AOPEP: variants seen among roughly 807,000 people sequenced by gnomAD.
AOPEP encodes the protein aminopeptidase O.
A neutral mutation model predicts 98.1 loss-of-function variants in AOPEP; 77 were observed. That is an observed-to-expected ratio of 0.78 (90% confidence interval 0.65 to 0.95). The LOEUF (loss-of-function observed/expected upper bound fraction) is 0.95. Among genes scored for constraint, AOPEP ranks in the 40% least tolerant of loss-of-function variants. AOPEP has a pLI of 0.00. For synonymous variants in AOPEP, 346 were observed against 365.3 expected (o/e 0.95, Z 0.60); for missense variants, 1,024 against 1,024.7 (o/e 1.00, Z 0.01).
chr9:95,118,813 T>C, the AOPEP span, among the ~76,000 whole-genome samples: 8 of 152,238 alleles, frequency 5.3e-5, no homozygotes, highest in African/African-American at 1.9e-4. Flanking sequence ...TTAGCCATTC[T>C]CCTCTTGATG....
chr9:94,953,995 C>T (rs1224495339), intron 7 of AOPEP, among the ~76,000 whole-genome samples: 2 of 151,964 alleles, frequency 1.3e-5, no homozygotes, highest in Non-Finnish European at 2.9e-5. Flanking sequence ...AATAAGGAGT[C>T]GCTGGTTTCA....
At chr9:95,069,663 G>GC (rs2134050684) in intron 14 of AOPEP, among the ~76,000 whole-genome samples, 1 of 152,372 alleles carries the variant, frequency 6.6e-6, no homozygotes, top group East Asian at 1.9e-4. Context: ...CACAGGTGAA[G>GC]CAAGGTTGCC....
At chr9:95,147,310 G>C in the AOPEP span, among the ~76,000 whole-genome samples, 1 of 152,284 alleles carries the variant, frequency 6.6e-6, no homozygotes, top group Non-Finnish European at 1.5e-5. Flanking sequence ...CTGAGGTCGG[G>C]ATTTCGAGAC....
the AOPEP span, among the ~76,000 whole-genome samples, chr9:95,093,439 TAA>T: frequency 6.6e-6 from 1 of 152,236 alleles, no homozygotes; most frequent in African/African-American, 2.4e-5. Flanking sequence ...TGTCTCCTTT[TAA>T]AGTTACAGAT....
At chr9:94,772,623 C>T (rs1841141884) in intron 2 of AOPEP, among the ~76,000 whole-genome samples, 1 of 152,128 alleles carries the variant, frequency 6.6e-6, no homozygotes, top group Non-Finnish European at 1.5e-5. Flanking sequence ...ATTTTCTTTT[C>T]CAGAATACTT....
chr9:94,969,363 A>C (rs906575488), intron 10 of AOPEP, among the ~76,000 whole-genome samples: 1 of 151,148 alleles, frequency 6.6e-6, no homozygotes, highest in Non-Finnish European at 1.5e-5. Context: ...CCCTCTCCTA[A>C]TTTCCTATCT....
chr9:94,969,080 C>G (rs1021566204), intron 10 of AOPEP, among the ~76,000 whole-genome samples: 2 of 152,154 alleles, frequency 1.3e-5, no homozygotes, highest in African/African-American at 4.8e-5. Flanking sequence ...CCCAAGCAGT[C>G]TGGCTCTAGA....
At position 94,735,595 on chromosome 9, in the gene AOPEP, G is replaced by A. The variant is rs151018938; in HGVS notation, c.-136+8844G>A. 2.6e-3 allele frequency among the ~76,000 whole-genome samples: 394 copies of A among 152,278 alleles called. 2 individuals are homozygous for A. The highest frequency in any genetic ancestry group is 5.0e-3 in the Admixed American group (76 of 15,294). On this transcript the variant is annotated intron_variant, in intron 1 of 16. Coordinates refer to ENST00000375315, the MANE Select transcript of AOPEP (RefSeq NM_001193329.3). ...TGCAACGTTGTTTATTGGGCTTGTG[G>A]TTCTCAGACTACATTTTGAGAAACA...
the AOPEP span, among the ~76,000 whole-genome samples, chr9:95,143,354 C>T: frequency 6.6e-6 from 1 of 152,120 alleles, no homozygotes; most frequent in East Asian, 1.9e-4. Flanking sequence ...CTGATTAAAT[C>T]GCTGGCCAGT....
chr9:94,994,062 C>A (rs1484452282), intron 11 of AOPEP, among the ~76,000 whole-genome samples: 1 of 152,214 alleles, frequency 6.6e-6, no homozygotes, highest in Non-Finnish European at 1.5e-5. Flanking sequence ...CCACTTTTCA[C>A]ATTCCATGCA....
intron 13 of AOPEP, among the ~76,000 whole-genome samples, chr9:95,012,597 C>T (rs10761366): frequency 0.75 from 114,773 of 152,036 alleles, 45,930 homozygotes; most frequent in Non-Finnish European, 0.89. Flanking sequence ...TTCTGTAGCA[C>T]GTACTGATGT....
intron 14 of AOPEP, among the ~76,000 whole-genome samples, chr9:95,075,162 A>G (rs192848275): frequency 8.7e-4 from 132 of 152,270 alleles, no homozygotes; most frequent in Non-Finnish European, 1.7e-3. Flanking sequence ...GCTGAAATAC[A>G]TGCTGACTCT....
intron 5 of AOPEP, among the ~76,000 whole-genome samples, chr9:94,898,963 T>A (rs28423076): frequency 2.6e-4 from 40 of 151,966 alleles, no homozygotes; most frequent in Non-Finnish European, 3.8e-4. Flanking sequence ...AATAAATAAA[T>A]AAAAAGACTT....
chr9:94,857,661 C>T (rs7026714), intron 5 of AOPEP, among the ~76,000 whole-genome samples: 8 of 152,080 alleles, frequency 5.3e-5, no homozygotes, highest in African/African-American at 1.9e-4. Flanking sequence ...AGTGAGTTAA[C>T]GGTATTTCAA....
the AOPEP span, among the ~76,000 whole-genome samples, chr9:95,147,079 GATT>G: frequency 6.7e-6 from 1 of 150,296 alleles, no homozygotes; most frequent in Non-Finnish European, 1.5e-5. Flanking sequence ...ATATATTTTA[GATT>G]ATTATTTTGG....
chr9:95,147,634 G>A, the AOPEP span, among the ~76,000 whole-genome samples: 5 of 152,194 alleles, frequency 3.3e-5, no homozygotes, highest in Non-Finnish European at 5.9e-5. Context: ...CAAAAAATGT[G>A]AGGAAAGTTA....
intron 1 of AOPEP, among the ~76,000 whole-genome samples, chr9:94,759,001 T>A (rs1837665655): frequency 6.6e-6 from 1 of 152,152 alleles, no homozygotes; most frequent in South Asian, 2.1e-4. Flanking sequence ...TTTCAGCTAT[T>A]AAGATGTAAT....
At chr9:94,787,661 A>G (rs1363357915) in intron 3 of AOPEP, among the ~76,000 whole-genome samples, 2 of 152,176 alleles carry the variant, frequency 1.3e-5, no homozygotes, top group African/African-American at 2.4e-5. Context: ...TTTTAATAGT[A>G]CCTTGGTACC....
chr9:95,116,925 C>T, the AOPEP span, among the ~76,000 whole-genome samples: 2 of 152,198 alleles, frequency 1.3e-5, no homozygotes, highest in African/African-American at 4.8e-5. Flanking sequence ...TCTTCTGCAA[C>T]AAGGCTGCAC....
Sources: gnomAD v4.1 joint callset for allele counts (sites outside exome capture counted in the v4.1 genomes callset) on GRCh38, gnomAD v4.1.1 for gene constraint, MANE v1.5 for transcripts, NCBI Gene and HGNC (gene_info 2026-07-23, HGNC 2026-07-21) for gene names.